The following RBFOX1 variants were observed in gnomAD, a reference collection of about 807,000 sequenced individuals.
The protein encoded by RBFOX1 is RNA binding fox-1 homolog 1, also known as RNA binding protein fox-1 homolog 1.
In RBFOX1, 8 loss-of-function variants were observed where a neutral mutation model predicts 57.7. That is an observed-to-expected ratio of 0.14 (90% CI 0.08 to 0.25). The LOEUF is 0.25. Ranked by LOEUF, RBFOX1 falls within the 10% of genes least tolerant of loss-of-function variation. RBFOX1 has a pLI of 1.00. For missense variants in RBFOX1, 611 were observed against 548.5 expected, an observed-to-expected ratio of 1.11 and a Z score of -1.14; for synonymous variants, 326 against 222.4, an observed-to-expected ratio of 1.47 and a Z score of -4.15.
chr16:6,690,728 CAAG>C (rs2060085338), intron 3 of RBFOX1, among the ~76,000 whole-genome samples: 1 of 148,166 alleles, frequency 6.7e-6, no homozygotes, highest in African/African-American at 2.5e-5. Flanking sequence ...CAGGATATTT[CAAG>C]TTCGGTTTGG....
In RBFOX1 at chr16:7,409,123, T is replaced by A. The variant is rs546172247; in HGVS notation, c.28-109024T>A. On this transcript the variant is annotated intron_variant, in intron 4 of 15. Coordinates refer to ENST00000550418, the MANE Select transcript of RBFOX1 (RefSeq NM_018723.4). ...AGCTGCGCTGTCGCTCTAAGCCAGA[T>A]CAGCAGAATCCGGCCTGTGATCAGG... Among the ~76,000 whole-genome samples, 11 of 152,336 alleles carry A rather than the reference T, an allele frequency of 7.2e-5. No individual in the cohort carries two copies. The East Asian group carries it at 2.1e-3, about 29-fold the overall frequency.
At chr16:5,601,980 G>C (rs1289443939), downstream of RBFOX1, among the ~76,000 whole-genome samples, 1 of 152,180 alleles carries the variant, frequency 6.6e-6, no homozygotes, top group African/African-American at 2.4e-5. Flanking sequence ...GTATCCTGCT[G>C]GTTTCTCCTC....
At chr16:6,568,544 C>T (rs1057025897) in intron 2 of RBFOX1, among the ~76,000 whole-genome samples, 2 of 152,074 alleles carry the variant, frequency 1.3e-5, no homozygotes, top group Non-Finnish European at 2.9e-5. Flanking sequence ...CATTGGAACT[C>T]TTGTACAGTG....
At chr16:7,392,153 G>A (rs1597284571) in intron 4 of RBFOX1, among the ~76,000 whole-genome samples, 2 of 152,122 alleles carry the variant, frequency 1.3e-5, no homozygotes, top group Non-Finnish European at 2.9e-5. Flanking sequence ...CATCAAAAAT[G>A]TTTTATTCTG....
In RBFOX1 at chr16:5,290,617, G is replaced by T. The variant is rs557133934; in HGVS notation, c.219+50512G>T. Among the ~76,000 whole-genome samples, 275 of 152,180 alleles carry T rather than the reference G, an allele frequency of 1.8e-3. 3 individuals carry two copies. The highest frequency in any genetic ancestry group is 6.9e-3 in the Middle Eastern group (2 of 290). On this transcript the variant is annotated intron_variant, in intron 1 of 2. Transcript: ENST00000585867. Reference sequence around the variant, plus strand: ...TGACACTTAAGGAGAGGCCTAGGGGGTGGGATGAGTTCACTAGGTGGATAA... The same window carrying T: ...TGACACTTAAGGAGAGGCCTAGGGGTTGGGATGAGTTCACTAGGTGGATAA...
intron 3 of RBFOX1, among the ~76,000 whole-genome samples, chr16:6,940,482 A>T (rs2094276438): frequency 6.6e-6 from 1 of 152,206 alleles, no homozygotes; most frequent in Admixed American, 6.5e-5. Flanking sequence ...ATGATAATTT[A>T]GGTAAATATT....
At chr16:7,332,448 TC>T (rs2096710400) in intron 4 of RBFOX1, among the ~76,000 whole-genome samples, 1 of 152,208 alleles carries the variant, frequency 6.6e-6, no homozygotes, top group Admixed American at 6.5e-5. Flanking sequence ...CTGAATATCT[TC>T]TTATTTTTTT....
intron 3 of RBFOX1, among the ~76,000 whole-genome samples, chr16:6,973,182 AGT>A (rs753185996): frequency 4.4e-5 from 5 of 113,498 alleles, no homozygotes; most frequent in Non-Finnish European, 8.7e-5. Flanking sequence ...GCTTTGAGAG[AGT>A]GTGTGTGTGG....
At position 5,993,345 on chromosome 16, in the gene RBFOX1, G is replaced by A. The variant is rs1159928253; in HGVS notation, c.351+126010G>A. 1.6e-4 allele frequency among the ~76,000 whole-genome samples: 2 copies of A among 12,848 alleles called. 1 individual carries two copies. Among genetic ancestry groups the A allele is most frequent in the Non-Finnish European group, 2.7e-4 (2 of 7,508 alleles). The allele number at this position is 12,848 out of a possible 152,430, so 8.4% of individuals were successfully genotyped here. ...GCCTATTTGATAATGCTGTACGTGT[G>A]TGTGTGTGTGTGTGTGTGTGTGTGT... On this transcript the variant is annotated intron_variant, in intron 4 of 19. Coordinates refer to the RBFOX1 transcript ENST00000641259.
At chr16:6,382,192 C>G (rs188441214) in intron 2 of RBFOX1, among the ~76,000 whole-genome samples, 1 of 152,198 alleles carries the variant, frequency 6.6e-6, no homozygotes, top group Non-Finnish European at 1.5e-5. Flanking sequence ...TTTTCCCCAA[C>G]CATTTAAAAT....
chr16:6,675,422 G>A (rs920944267), intron 3 of RBFOX1, among the ~76,000 whole-genome samples: 1 of 152,008 alleles, frequency 6.6e-6, no homozygotes, highest in Non-Finnish European at 1.5e-5. Context: ...CCCAAGCAGA[G>A]CAAACTGGCC....
rs540777789 is a variant in RBFOX1 at position 5,805,632 on chromosome 16, G to A, written c.319-61671G>A. ...ATGCAGCACCCTGGGGCTAGCAACT[G>A]TGGAGAGCTGTTACCACCCCTAGGG... On this transcript the variant is annotated intron_variant, in intron 3 of 19. Transcript: ENST00000641259. 1.6e-4 allele frequency among the ~76,000 whole-genome samples: 25 copies of A among 152,332 alleles called. No homozygotes were observed. In the Middle Eastern group the frequency reaches 0.017, roughly 104 times the overall value.
chr16:5,618,083 G>T (rs1188541211), intron 3 of RBFOX1, among the ~76,000 whole-genome samples: 1 of 152,128 alleles, frequency 6.6e-6, no homozygotes, highest in Non-Finnish European at 1.5e-5. Flanking sequence ...TGTATCTCTG[G>T]ATTACTACCA....
intron 3 of RBFOX1, among the ~76,000 whole-genome samples, chr16:6,793,613 G>T (rs2083381351): frequency 6.6e-6 from 1 of 152,094 alleles, no homozygotes; most frequent in Non-Finnish European, 1.5e-5. Flanking sequence ...AGAGCAAACT[G>T]AAAGCTTTAC....
At chr16:5,716,253 G>T (rs1464408844) in intron 3 of RBFOX1, among the ~76,000 whole-genome samples, 2 of 152,204 alleles carry the variant, frequency 1.3e-5, no homozygotes, top group Non-Finnish European at 2.9e-5. Flanking sequence ...AAAAACTGCA[G>T]TTAATTTTGT....
chr16:7,597,229 C>T, intron 8 of RBFOX1, 142 bp from the exon 9 acceptor site: 1 of 557,118 alleles, frequency 1.8e-6, no homozygotes, highest in Non-Finnish European at 3.1e-6. Context: ...TTGTTATGCA[C>T]CTACTGCCTT....
chr16:6,238,645 C>G (rs2097523975), intron 1 of RBFOX1, among the ~76,000 whole-genome samples: 1 of 152,198 alleles, frequency 6.6e-6, no homozygotes, highest in Admixed American at 6.5e-5. Flanking sequence ...TGGCCGCACT[C>G]CACACCAAAC....
chr16:6,559,286 T>TA (rs1225808228), intron 2 of RBFOX1, among the ~76,000 whole-genome samples: 2 of 152,132 alleles, frequency 1.3e-5, no homozygotes, highest in Non-Finnish European at 2.9e-5. Flanking sequence ...AACAGGGGTT[T>TA]ATTCATTCTC....
chr16:5,858,738 G>T (rs895427287), intron 3 of RBFOX1, among the ~76,000 whole-genome samples: 1 of 152,218 alleles, frequency 6.6e-6, no homozygotes, highest in Non-Finnish European at 1.5e-5. Context: ...GGAGCCTGCA[G>T]AATTTGGTAG....
Sources: allele counts gnomAD v4.1 joint callset (sites outside exome capture counted in the v4.1 genomes callset), GRCh38; gene constraint gnomAD v4.1.1; transcripts MANE v1.5; gene names NCBI Gene and HGNC (gene_info 2026-07-23, HGNC 2026-07-21).